Variants in AREL1 observed in about 807,000 individuals in gnomAD.
AREL1 encodes apoptosis-resistant E3 ubiquitin protein ligase 1.
AREL1 carries 62 observed loss-of-function variants against 99.0 expected under a neutral mutation model. The observed-to-expected ratio is 0.63, with a 90% CI of 0.51 to 0.77. The LOEUF is 0.77. Ranked by LOEUF, AREL1 falls within the 30% of genes least tolerant of loss-of-function variation. AREL1 has a pLI of 0.00. For missense variants in AREL1, 879 were observed against 1,027.6 expected (o/e 0.86, Z 1.98); for synonymous variants, 380 against 376.5 (o/e 1.01, Z -0.11).
intron 1 of AREL1, among the ~76,000 whole-genome samples, chr14:74,706,244 T>C (rs1032524545): frequency 2.0e-5 from 3 of 152,178 alleles, no homozygotes; most frequent in Admixed American, 1.3e-4. Context: ...TCTTTGAACC[T>C]GACAAGCCGT....
intron 1 of AREL1, among the ~76,000 whole-genome samples, chr14:74,708,232 C>G (rs1204262493): frequency 6.6e-6 from 1 of 152,128 alleles, no homozygotes; most frequent in Non-Finnish European, 1.5e-5. Context: ...TAAAATTATT[C>G]CACAATTTAA....
At position 74,684,608 on chromosome 14, in the gene AREL1, A is replaced by G; in HGVS notation, c.89T>C (p.Val30Ala). The change falls in exon 4 of 20, where the codon GTC becomes GCC. Residue 30 changes from valine (V) to alanine (A), a missense_variant. Physicochemically the swap from Val to Ala is moderately conservative, Grantham distance 64 (BLOSUM62 0). Transcript: ENST00000356357. ...KFLFELAARV[V>A]SFLQNEDRER... ...GCGGTCCTCATTCTGGAGGAAGCTG[A>G]CTACACGTGCGGCAAGCTCAAAGAG... 1 of 1,614,188 alleles carries G rather than the reference A, an allele frequency of 6.2e-7. No homozygotes were observed. The highest frequency in any genetic ancestry group is 8.5e-7 in the Non-Finnish European group (1 of 1,180,024).
rs776565734 is a variant in AREL1 at position 74,676,307 on chromosome 14, T to C, written c.666A>G (p.Glu222=). The part of the protein sequence containing the change: ...TLSIHELGPQ[E]EESTGVSFEK... ...CAAATGAGACACCAGTACTCTCTTC[T>C]TCTTGAGGGCCGAGCTATAGGAAGG... The change falls in exon 7 of 20, where the codon GAA becomes GAG. Residue 222 remains glutamate, a synonymous_variant. Transcript: ENST00000356357. 9.9e-6 allele frequency: 16 copies of C among 1,614,088 alleles called. No homozygotes were observed. Among genetic ancestry groups the C allele is most frequent in the Non-Finnish European group, 1.4e-5 (16 of 1,179,974 alleles).
chr14:74,664,175 G>C, intron 18 of AREL1, 101 bp from the exon 19 acceptor site: 2 of 1,312,302 alleles, frequency 1.5e-6, no homozygotes, highest in Non-Finnish European at 2.1e-6. Context: ...CTGTGCCCCA[G>C]TTACCGTTCT....
intron 14 of AREL1, 77 bp downstream of exon 14, chr14:74,669,870 A>C: frequency 6.3e-7 from 1 of 1,580,352 alleles, no homozygotes; most frequent in Non-Finnish European, 8.6e-7. Context: ...CTTAAAAATT[A>C]TTTACAAGCC....
At chr14:74,676,402 C>T in intron 6 of AREL1, 81 bp from the exon 7 acceptor site, 1 of 1,508,050 alleles carries the variant, frequency 6.6e-7, no homozygotes, top group Non-Finnish European at 9.0e-7. Flanking sequence ...AAAGAGCTTT[C>T]CTATCTATGA....
At position 74,662,642 on chromosome 14, in the gene AREL1, A is replaced by T; in HGVS notation, c.*1078T>A. On this transcript the variant is annotated 3_prime_UTR_variant, in exon 20 of 20. Coordinates refer to ENST00000356357, the MANE Select transcript of AREL1 (RefSeq NM_001039479.2). ...GCAGGTGTTTACTGTGTAACATATC[A>T]CCTCCATGTTCATCCCTAGTGTCCT... The T allele has an allele frequency of 2.5e-6, 1 of 398,226 alleles. No individual in the cohort carries two copies. Among genetic ancestry groups the T allele is most frequent in the Non-Finnish European group, 4.4e-6 (1 of 225,994 alleles). 24.7% of individuals were successfully genotyped at this position (398,226 alleles called of 1,614,324 possible).
chr14:74,678,254 T>C lies in AREL1; in HGVS notation c.482-1502A>G, dbSNP rs962386999. 8.8e-6 allele frequency: 4 copies of C among 453,600 alleles called. 1 individual carries two copies. The highest frequency in any genetic ancestry group is 4.0e-5 in the African/African-American group (2 of 49,828). 28.1% of individuals were successfully genotyped at this position (453,600 alleles called of 1,614,324 possible). On this transcript the variant is annotated intron_variant, in intron 5 of 19. Coordinates refer to ENST00000356357, the MANE Select transcript of AREL1 (RefSeq NM_001039479.2). ...GCTCACGCCTGTAATCCCAACACTT[T>C]GGAAGGCCAAAGCAGGAAGATTACT...
chr14:74,708,078 T>C (rs1188833830), intron 1 of AREL1, among the ~76,000 whole-genome samples: 16 of 152,126 alleles, frequency 1.1e-4, no homozygotes, highest in Admixed American at 1.0e-3. Flanking sequence ...ATAAAGTCTA[T>C]AGTTTAGTAA....
chr14:74,682,613 G>C (rs780802289), intron 5 of AREL1, among the ~76,000 whole-genome samples: 1 of 152,172 alleles, frequency 6.6e-6, no homozygotes, highest in South Asian at 2.1e-4. Context: ...CCTCCAAATC[G>C]CATGTTGAAA....
chr14:74,706,786 C>T (rs919204616), intron 1 of AREL1, among the ~76,000 whole-genome samples: 1 of 152,126 alleles, frequency 6.6e-6, no homozygotes, highest in Non-Finnish European at 1.5e-5. Context: ...GTTATACTTC[C>T]GTGTAGTAAA....
chr14:74,682,812 C>G (rs1221438386), intron 5 of AREL1, among the ~76,000 whole-genome samples: 2 of 152,232 alleles, frequency 1.3e-5, no homozygotes, highest in Non-Finnish European at 2.9e-5. Flanking sequence ...CCCTCTCTCA[C>G]CATTAGGCAC....
At chr14:74,688,415 C>T (rs1196345708) in intron 2 of AREL1, among the ~76,000 whole-genome samples, 4 of 152,152 alleles carry the variant, frequency 2.6e-5, no homozygotes, top group Non-Finnish European at 5.9e-5. Flanking sequence ...CAGTAATGAG[C>T]TTTACCTTGT....
intron 1 of AREL1, among the ~76,000 whole-genome samples, chr14:74,703,746 G>A (rs2090127528): frequency 1.3e-5 from 2 of 152,164 alleles, no homozygotes; most frequent in African/African-American, 4.8e-5. Flanking sequence ...CCAGATGAAG[G>A]ACATTTGGGT....
intron 1 of AREL1, among the ~76,000 whole-genome samples, chr14:74,694,667 G>C (rs1257766421): frequency 1.3e-5 from 2 of 152,102 alleles, no homozygotes; most frequent in Non-Finnish European, 2.9e-5. Context: ...GGAGAGAATG[G>C]GCAAGTTATC....
rs1456810697 is a variant in AREL1 at position 74,662,377 on chromosome 14, C to T, written c.*1343G>A. The T allele has an allele frequency of 1.3e-5, 5 of 390,552 alleles. No homozygotes were observed. The highest frequency in any genetic ancestry group is 1.4e-4 in the South Asian group (1 of 6,950). The allele number at this position is 390,552 out of a possible 1,614,324, so 24.2% of individuals were successfully genotyped here. A position where few individuals can be genotyped will look rare whatever the true frequency, so the allele number is the denominator to read the frequency against. On this transcript the variant is annotated 3_prime_UTR_variant, in exon 20 of 20. Transcript: ENST00000356357. ...TTGTAATATTCTCAGAGTTGACTGC[C>T]CCATTGGGAATGGTAGCTTGCAGCA...
rs569874187 is a variant in AREL1, at chr14:74,694,111, G to A, written c.-333-1783C>T. Among the ~76,000 whole-genome samples the A allele has an allele frequency of 1.4e-3, 218 of 152,276 alleles. 3 individuals carry two copies. Among genetic ancestry groups the A allele is most frequent in the Middle Eastern group, 0.01 (3 of 294 alleles). Reference sequence around the variant, plus strand: ...GTTGGCTTGAGCCCAGGAGGCAGACGTTGACGTGAGCCGAGATCATGCCAC... The same window carrying A: ...GTTGGCTTGAGCCCAGGAGGCAGACATTGACGTGAGCCGAGATCATGCCAC... On this transcript the variant is annotated intron_variant, in intron 1 of 19. Coordinates refer to ENST00000356357, the MANE Select transcript of AREL1 (RefSeq NM_001039479.2).
At position 74,684,516 on chromosome 14, in the gene AREL1, T is replaced by C. The variant is rs755067432; in HGVS notation, c.181A>G (p.Lys61Glu). The C allele has an allele frequency of 3.1e-6, 5 of 1,614,050 alleles. No homozygotes were observed. In the African/African-American group the frequency reaches 6.7e-5, roughly 22 times the overall value. The change falls in exon 4 of 20, where the codon AAA (lysine) becomes GAA (glutamate). Residue 61 changes from lysine (K) to glutamate (E), a missense_variant. Physicochemically the swap from Lys to Glu is moderately conservative, Grantham distance 56. Coordinates refer to ENST00000356357, the MANE Select transcript of AREL1 (RefSeq NM_001039479.2). ...RGNYLDPRSC[K>E]VSWDWKDPYE... ...GGGTCCTTCCAATCCCAGGAGACTT[T>C]GCAAGACCGGGGATCCAGGTAATTT...
At chr14:74,708,089 T>C (rs1245677187) in intron 1 of AREL1, among the ~76,000 whole-genome samples, 1 of 152,146 alleles carries the variant, frequency 6.6e-6, no homozygotes, top group African/African-American at 2.4e-5. Flanking sequence ...AGTTTAGTAA[T>C]AGTATTGTAC....
Sources: gnomAD v4.1 joint callset for allele counts (sites outside exome capture counted in the v4.1 genomes callset) on GRCh38, gnomAD v4.1.1 for gene constraint, MANE v1.5 for transcripts, NCBI Gene and HGNC (gene_info 2026-07-23, HGNC 2026-07-21) for gene names.